WWOX: variants seen among roughly 807,000 people sequenced by gnomAD.
The protein encoded by WWOX is WW domain-containing oxidoreductase.
Under a neutral mutation model 46.2 loss-of-function variants are expected in WWOX, and 69 were observed. That is an observed-to-expected ratio of 1.49 (90% CI 1.23 to 1.82). WWOX has a LOEUF of 1.82. WWOX is among the 40% of genes most tolerant of loss of function. The pLI is 0.00. For missense variants in WWOX, 919 were observed against 542.6 expected, an observed-to-expected ratio of 1.69 and a Z score of -6.89; for synonymous variants, 359 against 202.6, an observed-to-expected ratio of 1.77 and a Z score of -6.56.
chr16:78,869,453 G>T (rs1053011457), intron 8 of WWOX, among the ~76,000 whole-genome samples: 4 of 152,146 alleles, frequency 2.6e-5, no homozygotes, highest in African/African-American at 9.7e-5. Context: ...AAGTTTATAC[G>T]CAAGAAGTGC....
At chr16:79,194,814 A>G (rs79458298) in intron 8 of WWOX, among the ~76,000 whole-genome samples, 6 of 152,140 alleles carry the variant, frequency 3.9e-5, no homozygotes, top group East Asian at 1.9e-4. Flanking sequence ...GTTTCTGGAG[A>G]GAGTGCATAC....
chr16:79,098,092 C>T, intron 8 of WWOX, among the ~76,000 whole-genome samples: 1 of 152,114 alleles, frequency 6.6e-6, no homozygotes, highest in Non-Finnish European at 1.5e-5. Flanking sequence ...AGTTTTTGAG[C>T]TGGAAGAAAC....
chr16:78,947,354 T>G (rs1178597076), intron 8 of WWOX, among the ~76,000 whole-genome samples: 1 of 150,216 alleles, frequency 6.7e-6, no homozygotes, highest in Non-Finnish European at 1.5e-5. Flanking sequence ...AGCCCCTAGC[T>G]GCATTTGTTA....
chr16:78,735,279 C>T (rs1216963993), intron 8 of WWOX, among the ~76,000 whole-genome samples: 1 of 151,994 alleles, frequency 6.6e-6, no homozygotes, highest in Non-Finnish European at 1.5e-5. Flanking sequence ...GGCTCTCCAC[C>T]TTGCCTATAG....
chr16:78,707,354 G>A (rs1322148545), intron 8 of WWOX, among the ~76,000 whole-genome samples: 1 of 152,070 alleles, frequency 6.6e-6, no homozygotes, highest in Admixed American at 6.6e-5. Context: ...AGTGTGCAAG[G>A]TATAAGACAT....
At chr16:78,203,863 C>T (rs1280658096) in intron 5 of WWOX, among the ~76,000 whole-genome samples, 1 of 152,192 alleles carries the variant, frequency 6.6e-6, no homozygotes, top group Non-Finnish European at 1.5e-5. Flanking sequence ...ATAAAGGAGA[C>T]CTTCCCTGGA....
intron 5 of WWOX, among the ~76,000 whole-genome samples, chr16:78,304,527 G>T (rs949043893): frequency 2.0e-5 from 3 of 152,144 alleles, no homozygotes; most frequent in African/African-American, 7.2e-5. Context: ...TGCAGGGTAA[G>T]CACACTGTTT....
At chr16:78,219,475 A>C (rs2036822926) in intron 5 of WWOX, among the ~76,000 whole-genome samples, 1 of 152,192 alleles carries the variant, frequency 6.6e-6, no homozygotes, top group Non-Finnish European at 1.5e-5. Context: ...TGACAGGAAG[A>C]GACTCTCCCA....
chr16:79,128,924 T>C (rs1488083933), intron 8 of WWOX, among the ~76,000 whole-genome samples: 3 of 152,094 alleles, frequency 2.0e-5, no homozygotes, highest in Non-Finnish European at 4.4e-5. Flanking sequence ...AAAGGTGCCA[T>C]TGTTGCCCAG....
chr16:78,517,031 A>G (rs1219655429), intron 8 of WWOX, among the ~76,000 whole-genome samples: 1 of 152,004 alleles, frequency 6.6e-6, no homozygotes, highest in African/African-American at 2.4e-5. Context: ...TAACTGCATT[A>G]TTTGTTTGCT....
At chr16:79,099,342 C>T (rs1174083311) in intron 8 of WWOX, among the ~76,000 whole-genome samples, 2 of 152,182 alleles carry the variant, frequency 1.3e-5, no homozygotes, top group Non-Finnish European at 2.9e-5. Context: ...TCACATTTCT[C>T]TTTACAAAAA....
intron 8 of WWOX, among the ~76,000 whole-genome samples, chr16:78,726,263 C>A (rs1175603754): frequency 6.6e-6 from 1 of 151,030 alleles, no homozygotes; most frequent in Non-Finnish European, 1.5e-5. Context: ...CTTGCTCTGT[C>A]ACCCAGGTTA....
intron 8 of WWOX, among the ~76,000 whole-genome samples, chr16:78,700,000 G>A (rs1416278404): frequency 2.0e-5 from 3 of 151,978 alleles, no homozygotes; most frequent in African/African-American, 4.8e-5. Flanking sequence ...GGCTGGGGAC[G>A]CAGAGGGTCC....
chr16:78,217,642 G>C (rs563901502), intron 5 of WWOX, among the ~76,000 whole-genome samples: 37 of 152,270 alleles, frequency 2.4e-4, no homozygotes, highest in African/African-American at 8.9e-4. Context: ...TCTATTGAAA[G>C]TTACTAGGTG....
chr16:78,996,563 G>C (rs2046994250), intron 8 of WWOX, among the ~76,000 whole-genome samples: 1 of 152,060 alleles, frequency 6.6e-6, no homozygotes, highest in Non-Finnish European at 1.5e-5. Flanking sequence ...TGGGAGAGAA[G>C]AGAAAATTAC....
At chr16:78,893,784 C>G (rs933128148) in intron 8 of WWOX, among the ~76,000 whole-genome samples, 1 of 152,144 alleles carries the variant, frequency 6.6e-6, no homozygotes. Context: ...TTCCCTGCCC[C>G]TCTCACCTTC....
At chr16:78,165,775 T>C (rs2034951344) in intron 5 of WWOX, among the ~76,000 whole-genome samples, 1 of 152,246 alleles carries the variant, frequency 6.6e-6, no homozygotes, top group African/African-American at 2.4e-5. Flanking sequence ...GGAAGATTTA[T>C]TTCTGCTTTT....
chr16:78,929,471 A>G (rs983322060), intron 8 of WWOX, among the ~76,000 whole-genome samples: 2 of 152,118 alleles, frequency 1.3e-5, no homozygotes, highest in African/African-American at 2.4e-5. Flanking sequence ...TTAAAAATCT[A>G]TTTCCAATGC....
At chr16:78,696,949 A>C (rs2048112778) in intron 8 of WWOX, among the ~76,000 whole-genome samples, 4 of 152,312 alleles carry the variant, frequency 2.6e-5, no homozygotes, top group African/African-American at 9.6e-5. Context: ...TTCACTTAGA[A>C]TAATGGTCTC....
Sources: allele counts gnomAD v4.1 joint callset (sites outside exome capture counted in the v4.1 genomes callset), GRCh38; gene constraint gnomAD v4.1.1; transcripts MANE v1.5; gene names NCBI Gene and HGNC (gene_info 2026-07-23, HGNC 2026-07-21).